The following ZNF235 variants were observed in gnomAD, a reference collection of about 807,000 sequenced individuals.
ZNF235 encodes the protein zinc finger protein 235, also known as zfp-93.
In ZNF235, 25 loss-of-function variants were observed where a neutral mutation model predicts 29.4. The observed-to-expected ratio is 0.85, with a 90% CI of 0.62 to 1.19. ZNF235 has a LOEUF of 1.19. Ranked by LOEUF, ZNF235 falls within the 50% of genes most tolerant of loss-of-function variation. The pLI is 0.00. For synonymous variants in ZNF235, 300 were observed against 295.3 expected (o/e 1.02, Z -0.16); for missense variants, 788 against 885.0 (o/e 0.89, Z 1.39).
chr19:44,304,023 T>G (rs186311177), intron 1 of ZNF235, among the ~76,000 whole-genome samples: 91 of 152,278 alleles, frequency 6.0e-4, no homozygotes, highest in African/African-American at 2.0e-3. Flanking sequence ...GAGTTACCAT[T>G]ACCCTCAGAA....
rs1234559245 is a variant in ZNF235 at position 44,288,476 on chromosome 19, C to G, written c.959G>C (p.Trp320Ser). Residue 320 changes from tryptophan (W) to serine (S), a missense_variant, in exon 5 of 5, where the codon TGG (tryptophan) becomes TCG (serine). Trp to Ser is a radical substitution (Grantham distance 177). Transcript: ENST00000291182. The stretch of plus-strand genomic sequence containing the variant: ...GAAACCTTTACCACATTCATGACAC[C>G]AATAGCGTTTTTTCCCAGTACGAAC... ...QSVRTGKKRY[W>S]CHECGKGFSQ... The G allele has an allele frequency of 1.2e-6, 2 of 1,614,036 alleles. No individual in the cohort carries two copies. Among genetic ancestry groups the G allele is most frequent in the Admixed American group, 1.7e-5 (1 of 59,992 alleles).
At position 44,288,315 on chromosome 19, in the gene ZNF235, G is replaced by A. The variant is rs773647741; in HGVS notation, c.1120C>T (p.Pro374Ser). Residue 374 changes from proline to serine, a missense_variant, in exon 5 of 5, where the codon CCC becomes TCC. Transcript: ENST00000291182. ...TTCCCACAACTGTCACATCTATAGG[G>A]CTTCTCTCCTGTGTGAATAGGCAAA... ...AHLPIHTGEK[P>S]YRCDSCGKGF... 3.1e-6 allele frequency: 5 copies of A among 1,614,010 alleles called. No homozygotes were observed. Among genetic ancestry groups the A allele is most frequent in the Non-Finnish European group, 4.2e-6 (5 of 1,180,002 alleles).
rs1320678835 is a variant in ZNF235 at position 44,287,823 on chromosome 19, T to C, written c.1612A>G (p.Thr538Ala). 1 of 1,614,158 alleles carries C rather than the reference T, an allele frequency of 6.2e-7. No homozygotes were observed. ...SYFQAHQRVHTGEKPYKCEVC... is the reference protein window; with the variant it reads ...SYFQAHQRVHAGEKPYKCEVC... ...TCACATTTGTATGGTTTTTCTCCAG[T>C]GTGGACTCTCTGATGTGCTTGAAAG... is the stretch of plus-strand genomic sequence containing the variant. The change falls in exon 5 of 5, where the codon ACT becomes GCT. Residue 538 changes from threonine (T) to alanine (A), a missense_variant. Transcript: ENST00000291182.
chr19:44,287,254 G>T lies in ZNF235; in HGVS notation c.2181C>A (p.Ile727=). The T allele has an allele frequency of 6.2e-7, 1 of 1,608,370 alleles. No homozygotes were observed. Among genetic ancestry groups the T allele is most frequent in the South Asian group, 1.1e-5 (1 of 90,146 alleles). Residue 727 remains isoleucine (I), a synonymous_variant, in exon 5 of 5, where the codon ATC becomes ATA. Coordinates refer to ENST00000291182, the MANE Select transcript of ZNF235 (RefSeq NM_004234.4). ...CTCCAGTGTGGACTCTCTGATGGTAGATGAGATGTGACCTCTGACTGAAGC... is the reference window on the plus strand; with the variant it reads ...CTCCAGTGTGGACTCTCTGATGGTATATGAGATGTGACCTCTGACTGAAGC... The part of the protein sequence containing the change: ...CKGFSQRSHL[I]YHQRVHTGGN...
chr19:44,295,620 A>T (rs373182288), intron 4 of ZNF235, among the ~76,000 whole-genome samples: 7 of 152,212 alleles, frequency 4.6e-5, no homozygotes, highest in African/African-American at 1.4e-4. Context: ...ACCAAAAAAG[A>T]GCCTGAATAG....
At position 44,287,939 on chromosome 19, in the gene ZNF235, G is replaced by T. The variant is rs772128046; in HGVS notation, c.1496C>A (p.Ala499Asp). 3.7e-6 allele frequency: 6 copies of T among 1,613,720 alleles called. No individual in the cohort carries two copies. Among genetic ancestry groups the T allele is most frequent in the Non-Finnish European group, 5.1e-6 (6 of 1,179,938 alleles). ...CCTCTGATGGCTCTGGAAACTTGAGGCTGAACTAAAACCCTTACCACACTC... is the reference window on the plus strand; with the variant it reads ...CCTCTGATGGCTCTGGAAACTTGAGTCTGAACTAAAACCCTTACCACACTC... ...CEECGKGFSS[A>D]SSFQSHQRVH... Residue 499 changes from alanine to aspartate, a missense_variant, in exon 5 of 5, where the codon GCC (alanine) becomes GAC (aspartate). Transcript: ENST00000291182.
intron 1 of ZNF235, among the ~76,000 whole-genome samples, chr19:44,304,528 G>A (rs966096604): frequency 6.6e-6 from 1 of 152,158 alleles, no homozygotes; most frequent in African/African-American, 2.4e-5. Context: ...AACAACAGGC[G>A]TCTTTTTCAG....
rs1025711684 is a variant in ZNF235 at position 44,286,520 on chromosome 19, T to C, written c.*698A>G. ...TAAACTGACACTAAAAATCATACTG[T>C]ACACAACTGATGATACACTGTACAA... On this transcript the variant is annotated 3_prime_UTR_variant, in exon 5 of 5. Coordinates refer to ENST00000291182, the MANE Select transcript of ZNF235 (RefSeq NM_004234.4). The C allele has an allele frequency of 9.2e-5, 14 of 152,194 alleles. No homozygotes were observed. Among genetic ancestry groups the C allele is most frequent in the Admixed American group, 7.9e-4 (12 of 15,266 alleles). 9.4% of individuals were successfully genotyped at this position (152,194 alleles called of 1,614,324 possible). A position where few individuals can be genotyped will look rare whatever the true frequency, so the allele number is the denominator to read the frequency against.
chr19:44,297,947 C>T (rs1016357122), intron 4 of ZNF235, among the ~76,000 whole-genome samples: 3 of 151,728 alleles, frequency 2.0e-5, no homozygotes, highest in South Asian at 4.2e-4. Context: ...GGGGAAACCT[C>T]GTCTGTACAA....
chr19:44,304,886 C>T, intron 1 of ZNF235, 85 bp downstream of exon 1: 1 of 985,500 alleles, frequency 1.0e-6, no homozygotes, highest in South Asian at 4.7e-5. Context: ...GCTTCTCTTC[C>T]CCAAGCCAAG....
chr19:44,304,715 C>A (rs1311336057), intron 1 of ZNF235: 19 of 985,312 alleles, frequency 1.9e-5, no homozygotes, highest in Non-Finnish European at 2.3e-5. Flanking sequence ...TATTTTACTG[C>A]GAGGAGCAGG....
chr19:44,302,478 T>C (rs928058765), intron 2 of ZNF235, among the ~76,000 whole-genome samples: 1 of 152,074 alleles, frequency 6.6e-6, no homozygotes, highest in Admixed American at 6.5e-5. Flanking sequence ...GTAAACATAT[T>C]TGTAATGTGA....
intron 4 of ZNF235, among the ~76,000 whole-genome samples, chr19:44,298,175 A>G (rs140259976): frequency 1.3e-5 from 2 of 152,262 alleles, no homozygotes; most frequent in East Asian, 3.9e-4. Context: ...TTCCAGCCAG[A>G]GAATAGAAAG....
intron 3 of ZNF235, 54 bp from the exon 4 acceptor site, chr19:44,298,957 A>T (rs1045544913): frequency 5.0e-6 from 7 of 1,410,302 alleles, no homozygotes; most frequent in Middle Eastern, 1.8e-4. Context: ...GTACTGAAAA[A>T]ATCTGGTTCC....
In ZNF235 at chr19:44,289,188, T is replaced by C. The variant is rs1975550966; in HGVS notation, c.247A>G (p.Asn83Asp). The C allele has an allele frequency of 6.8e-6, 11 of 1,611,234 alleles. No homozygotes were observed. Among genetic ancestry groups the C allele is most frequent in the African/African-American group, 1.3e-5 (1 of 74,808 alleles). Reference protein sequence around the residue: ...TQRGKHSGDRNQNEMATLHKA... With the variant: ...TQRGKHSGDRDQNEMATLHKA... ...TGAAGAGTTGCCATCTCATTTTGAT[T>C]CCTGTCTCCTGAAAGGATAGAGAGA... Residue 83 changes from asparagine (N) to aspartate (D), a missense_variant, in exon 5 of 5, where the codon AAT becomes GAT. Asn to Asp is a conservative substitution (Grantham distance 23). Transcript: ENST00000291182.
At chr19:44,298,755 A>C in intron 4 of ZNF235, 53 bp downstream of exon 4, 1 of 1,347,902 alleles carries the variant, frequency 7.4e-7, no homozygotes, top group Non-Finnish European at 1.0e-6. Flanking sequence ...AATTATCCTG[A>C]ATAAAGGAAA....
Position 44,288,538 on chromosome 19 carries a change from G to A in ZNF235, c.897C>T (p.Asp299=). 6.2e-7 allele frequency: 1 copy of A among 1,614,138 alleles called. No homozygotes were observed. Among genetic ancestry groups the A allele is most frequent in the South Asian group, 1.1e-5 (1 of 91,076 alleles). ...CAGGAATACCTGAGCTATAACTGGT[G>A]TCCTTCTCATGTGTACTACACGCTG... is the stretch of plus-strand genomic sequence containing the variant. The part of the protein sequence containing the change: ...KSPACSTHEK[D]TSYSSGIPVQ... The change falls in exon 5 of 5, where the codon GAC becomes GAT. Residue 299 remains aspartate, a synonymous_variant. Coordinates refer to ENST00000291182, the MANE Select transcript of ZNF235 (RefSeq NM_004234.4).
intron 1 of ZNF235, among the ~76,000 whole-genome samples, chr19:44,303,726 A>G (rs1975789356): frequency 6.6e-6 from 1 of 152,252 alleles, no homozygotes; most frequent in Admixed American, 6.5e-5. Context: ...TGAGACACAG[A>G]CAGGCAGGGG....
At position 44,288,360 on chromosome 19, in the gene ZNF235, T is replaced by C; in HGVS notation, c.1075A>G (p.Ser359Gly). 1 of 1,614,102 alleles carries C rather than the reference T, an allele frequency of 6.2e-7. No individual in the cohort carries two copies. The highest frequency in any genetic ancestry group is 2.2e-5 in the East Asian group (1 of 44,872). Residue 359 changes from serine (S) to glycine (G), a missense_variant, in exon 5 of 5, where the codon AGC (serine) becomes GGC (glycine). By Grantham distance (56) the Ser-to-Gly change is moderately conservative. Transcript: ENST00000291182. ...CHECGKSFNQ[S>G]SHLYAHLPIH... ...GGCAAATGAGCATAAAGATGTGAGC[T>C]CTGATTAAAGCTCTTACCACACTCG...
Sources: allele counts gnomAD v4.1 joint callset (sites outside exome capture counted in the v4.1 genomes callset), GRCh38; gene constraint gnomAD v4.1.1; transcripts MANE v1.5; gene names NCBI Gene and HGNC (gene_info 2026-07-23, HGNC 2026-07-21).